EIF6: variants seen among roughly 807,000 people sequenced by gnomAD.
EIF6 encodes eukaryotic translation initiation factor 6, also known as B4 integrin interactor.
In EIF6, 10 loss-of-function variants were observed where a neutral mutation model predicts 25.5. That is an observed-to-expected ratio of 0.39 (90% CI 0.24 to 0.66). The LOEUF is 0.66. Ranked by LOEUF, EIF6 falls within the 30% of genes least tolerant of loss-of-function variation. The pLI is 0.45. For missense variants in EIF6, 246 were observed against 315.4 expected (o/e 0.78, Z 1.67); for synonymous variants, 122 against 122.6 (o/e 1.00, Z 0.03).
intron 3 of EIF6, among the ~76,000 whole-genome samples, chr20:35,282,636 C>T (rs1044137563): frequency 6.6e-6 from 1 of 151,626 alleles, no homozygotes; most frequent in African/African-American, 2.4e-5. Flanking sequence ...CACAGTTTCA[C>T]TCTTATTGCC....
rs758346747 is a variant in EIF6, at chr20:35,280,131, G to A, written c.370-13C>T. 1.1e-5 allele frequency: 18 copies of A among 1,612,996 alleles called. No homozygotes were observed. The highest frequency in any genetic ancestry group is 1.5e-5 in the Non-Finnish European group (18 of 1,179,306). On this transcript the variant is annotated splice_polypyrimidine_tract_variant and intron_variant, in intron 4 of 6. Transcript: ENST00000374450. ...TTTCTTCTGTCTCCTGTCAATCAAA[G>A]ATATTGTGTTCAGGGCTCAGAACTT...
chr20:35,279,415 C>T (rs915656439), intron 6 of EIF6, 151 bp downstream of exon 6: 1 of 1,227,084 alleles, frequency 8.1e-7, no homozygotes, highest in Non-Finnish European at 1.2e-6. Flanking sequence ...TGGCTCTTAT[C>T]TGCTCAGCAG....
intron 3 of EIF6, among the ~76,000 whole-genome samples, chr20:35,281,165 G>T (rs572399082): frequency 5.3e-5 from 8 of 152,254 alleles, no homozygotes; most frequent in Admixed American, 5.2e-4. Context: ...CAGATCACAA[G>T]GTCAGGAGAT....
intron 3 of EIF6, among the ~76,000 whole-genome samples, 197 bp from the exon 4 acceptor site, chr20:35,281,026 T>G (rs1212974372): frequency 6.6e-6 from 1 of 152,156 alleles, no homozygotes; most frequent in Non-Finnish European, 1.5e-5. Flanking sequence ...TCCTGCCTAC[T>G]TCACCATCAC....
chr20:35,282,082 C>T (rs373317976), intron 3 of EIF6, among the ~76,000 whole-genome samples: 15 of 151,870 alleles, frequency 9.9e-5, no homozygotes, highest in South Asian at 2.1e-4. Flanking sequence ...TCTACCTCCC[C>T]GGTTCACACC....
intron 3 of EIF6, among the ~76,000 whole-genome samples, chr20:35,281,434 C>T (rs1273846181): frequency 6.6e-6 from 1 of 151,612 alleles, no homozygotes; most frequent in Non-Finnish European, 1.5e-5. Context: ...ACACTACACA[C>T]ATAGCAGAAT....
In EIF6 at chr20:35,284,391, T is replaced by C; in HGVS notation, c.97A>G (p.Asn33Asp). 2 of 1,613,710 alleles carry C rather than the reference T, an allele frequency of 1.2e-6. No individual in the cohort carries two copies. Among genetic ancestry groups the C allele is most frequent in the Non-Finnish European group, 1.7e-6 (2 of 1,179,908 alleles). The change falls in exon 2 of 7, where the codon AAC (asparagine) becomes GAC (aspartate). Residue 33 changes from asparagine to aspartate, a missense_variant. Asn to Asp is a conservative substitution (Grantham distance 23). Transcript: ENST00000374450. ...GGGCTCCCGCCGCACCTGTAGAAGT[T>C]CTCTGAGCCTCCGATCGCTACCAGA... ...YCLVAIGGSE[N>D]FYSVFEGELS...
intron 2 of EIF6, 24 bp downstream of exon 2, chr20:35,284,357 T>TA: frequency 6.2e-7 from 1 of 1,613,426 alleles, no homozygotes; most frequent in Admixed American, 1.7e-5. Context: ...CCCGCCACCG[T>TA]AAGCCCCGGG....
Position 35,284,502 on chromosome 20 carries a change from G to A in EIF6, c.-5-10C>T. On this transcript the variant is annotated splice_polypyrimidine_tract_variant and intron_variant, in intron 1 of 6. Transcript: ENST00000374450. The stretch of plus-strand genomic sequence containing the variant: ...CGGACCGCCATGAGGCCTAGGGGCG[G>A]CGGAGGCGGGAGTTCAAGGCCGGCG... The A allele has an allele frequency of 6.3e-7, 1 of 1,587,718 alleles. No individual in the cohort carries two copies. The highest frequency in any genetic ancestry group is 8.6e-7 in the Non-Finnish European group (1 of 1,161,106).
At position 35,280,752 on chromosome 20, in the gene EIF6, T is replaced by C. The variant is rs748835660; in HGVS notation, c.271A>G (p.Thr91Ala). 37 of 1,613,994 alleles carry C rather than the reference T, an allele frequency of 2.3e-5. No homozygotes were observed. In the South Asian group the frequency reaches 3.7e-4, roughly 16 times the overall value. The change falls in exon 4 of 7, where the codon ACA (threonine) becomes GCA (alanine). Residue 91 changes from threonine to alanine, a missense_variant. By Grantham distance (58) the Thr-to-Ala change is moderately conservative (BLOSUM62 0). Transcript: ENST00000374450. ...LQHIRNSLPD[T>A]VQIRRVEERL... ...TCCTCCACCCGCCTAATCTGCACTG[T>C]GTCTGGGAGGCTGTTGCGAATGTGT...
Position 35,284,715 on chromosome 20 carries a change from C to T in EIF6, c.-6+11G>A. On this transcript the variant is annotated intron_variant, in intron 1 of 6. Coordinates refer to ENST00000374450, the MANE Select transcript of EIF6 (RefSeq NM_002212.4). ...AGCTGACCCTCCCAGGTTCCCCTCA[C>T]ACCAGCTTACCAAGTAACCAGTAAC... 1 of 582,172 alleles carries T rather than the reference C, an allele frequency of 1.7e-6. No homozygotes were observed. Among genetic ancestry groups the T allele is most frequent in the Non-Finnish European group, 3.0e-6 (1 of 328,672 alleles). The allele number at this position is 582,172 out of a possible 1,614,324, so 36.1% of individuals were successfully genotyped here. A position where few individuals can be genotyped will look rare whatever the true frequency, so the allele number is the denominator to read the frequency against.
At chr20:35,284,521 G>A (rs762675609) in intron 1 of EIF6, 29 bp from the exon 2 acceptor site, 7 of 1,571,140 alleles carry the variant, frequency 4.5e-6, no homozygotes, top group Admixed American at 3.5e-5. Flanking sequence ...GGAGTTCAAG[G>A]CCGGCGGATC....
intron 3 of EIF6, among the ~76,000 whole-genome samples, chr20:35,283,285 C>A (rs1370728977): frequency 1.4e-5 from 2 of 141,086 alleles, no homozygotes; most frequent in Admixed American, 1.4e-4. Flanking sequence ...AAAACTCCAT[C>A]TCAAAAAAAA....
Position 35,281,990 on chromosome 20 carries a change from C to CTTT in EIF6, c.194-1164_194-1162dup, listed in dbSNP as rs56685530. Among the ~76,000 whole-genome samples, 79 of 138,936 alleles carry CTTT rather than the reference C, an allele frequency of 5.7e-4. 1 individual carries two copies. Among genetic ancestry groups the CTTT allele is most frequent in the South Asian group, 9.2e-4 (4 of 4,362 alleles). 91.1% of individuals were successfully genotyped at this position (138,936 alleles called of 152,430 possible). The stretch of plus-strand genomic sequence containing the variant: ...CTAAAAAAACATAGCAGCACTATTA[C>CTTT]TTTTTTTTTTTTTTTTGAGACGGAG... On this transcript the variant is annotated intron_variant, in intron 3 of 6. Coordinates refer to ENST00000374450, the MANE Select transcript of EIF6 (RefSeq NM_002212.4).
chr20:35,284,363 C>T lies in EIF6; in HGVS notation c.107+18G>A, dbSNP rs8114680. ...GCACGCCTCCCCGCCACCGTAAGCC[C>T]CGGGGCTCCCGCCGCACCTGTAGAA... On this transcript the variant is annotated intron_variant, in intron 2 of 6. Coordinates refer to ENST00000374450, the MANE Select transcript of EIF6 (RefSeq NM_002212.4). 5 of 1,613,722 alleles carry T rather than the reference C, an allele frequency of 3.1e-6. No homozygotes were observed. The African/African-American group carries it at 4.0e-5, about 13-fold the overall frequency.
chr20:35,283,847 A>C (rs946811718), intron 3 of EIF6, among the ~76,000 whole-genome samples: 4 of 152,084 alleles, frequency 2.6e-5, no homozygotes, highest in African/African-American at 7.2e-5. Context: ...ACTAGGAACT[A>C]GGTGTGGAAC....
At chr20:35,284,360 G>C in intron 2 of EIF6, 21 bp downstream of exon 2, 1 of 1,613,524 alleles carries the variant, frequency 6.2e-7, no homozygotes, top group Non-Finnish European at 8.5e-7. Context: ...GCCACCGTAA[G>C]CCCCGGGGCT....
chr20:35,281,990 CTTTT>C (rs56685530), intron 3 of EIF6, among the ~76,000 whole-genome samples: 1 of 138,928 alleles, frequency 7.2e-6, no homozygotes, highest in African/African-American at 2.7e-5. Context: ...AGCACTATTA[CTTTT>C]TTTTTTTTTT....
In EIF6 at chr20:35,279,699, C is replaced by G. The variant is rs545155687; in HGVS notation, c.595G>C (p.Val199Leu). The G allele has an allele frequency of 3.7e-6, 6 of 1,614,194 alleles. No individual in the cohort carries two copies. The South Asian group carries it at 6.6e-5, about 18-fold the overall frequency. The part of the protein sequence containing the change: ...GSEVIAAGMV[V>L]NDWCAFCGLD... ...CCACAGAAGGCACACCAGTCATTCA[C>G]CACCATCCCAGCAGCAATCACCTCA... is the stretch of plus-strand genomic sequence containing the variant. Residue 199 changes from valine (V) to leucine (L), a missense_variant, in exon 6 of 7, where the codon GTG becomes CTG. Val to Leu is a conservative substitution (Grantham distance 32). Coordinates refer to ENST00000374450, the MANE Select transcript of EIF6 (RefSeq NM_002212.4).
Sources: allele counts gnomAD v4.1 joint callset (sites outside exome capture counted in the v4.1 genomes callset), GRCh38; gene constraint gnomAD v4.1.1; transcripts MANE v1.5; gene names NCBI Gene and HGNC (gene_info 2026-07-23, HGNC 2026-07-21).